CENPH: variants seen among roughly 807,000 people sequenced by gnomAD.
CENPH encodes centromere protein H, also known as CENP-H.
A neutral mutation model predicts 42.9 loss-of-function variants in CENPH; 40 were observed. The ratio of observed to expected loss-of-function variants is 0.93; its 90% CI spans 0.72 to 1.21. The LOEUF is 1.21. CENPH is among the 50% of genes most tolerant of loss of function. The probability of loss-of-function intolerance (pLI) is 0.00; values close to 1 mark genes in which losing one functional copy is unlikely to be tolerated. For synonymous variants in CENPH, 88 were observed against 96.5 expected, an observed-to-expected ratio of 0.91 and a Z score of 0.52; for missense variants, 302 against 292.9, an observed-to-expected ratio of 1.03 and a Z score of -0.23.
intron 2 of CENPH, 93 bp from the exon 3 acceptor site, chr5:69,194,554 A>G (rs1258797710): frequency 1.5e-6 from 1 of 655,728 alleles, no homozygotes; most frequent in Non-Finnish European, 2.7e-6. Flanking sequence ...GACATTTTAA[A>G]TGATGTCTTT....
At chr5:69,200,082 C>T (rs1400966367) in intron 5 of CENPH, among the ~76,000 whole-genome samples, 1 of 140,494 alleles carries the variant, frequency 7.1e-6, no homozygotes, top group Non-Finnish European at 1.5e-5. Context: ...CACTACACTC[C>T]AGCCTGGGCA....
At chr5:69,189,900 A>G in intron 1 of CENPH, 132 bp downstream of exon 1, 1 of 1,026,562 alleles carries the variant, frequency 9.7e-7, no homozygotes, top group Non-Finnish European at 1.3e-6. Flanking sequence ...TCATTCACTT[A>G]AACTGTTGAA....
intron 3 of CENPH, among the ~76,000 whole-genome samples, chr5:69,195,256 G>C (rs1044869269): frequency 6.6e-6 from 1 of 151,958 alleles, no homozygotes; most frequent in Non-Finnish European, 1.5e-5. Flanking sequence ...TGTAGAGATG[G>C]GGCCTCATTT....
At chr5:69,208,007 T>G (rs1417050975) in intron 7 of CENPH, 189 bp from the exon 8 acceptor site, 1 of 380,266 alleles carries the variant, frequency 2.6e-6, no homozygotes, top group Non-Finnish European at 4.7e-6. Context: ...AAGTACGAAA[T>G]TAAAATATTG....
chr5:69,195,854 G>C, intron 4 of CENPH, 63 bp downstream of exon 4: 2 of 780,686 alleles, frequency 2.6e-6, no homozygotes, highest in Non-Finnish European at 4.3e-6. Flanking sequence ...TGAGGGGAAA[G>C]TGGAGGGAAT....
At chr5:69,196,112 T>G (rs1747959775) in intron 4 of CENPH, among the ~76,000 whole-genome samples, 1 of 152,044 alleles carries the variant, frequency 6.6e-6, no homozygotes, top group Admixed American at 6.6e-5. Flanking sequence ...CTAATTTTTT[T>G]TATTTTTTAT....
intron 5 of CENPH, 97 bp from the exon 6 acceptor site, chr5:69,202,405 AAAGT>A: frequency 2.8e-6 from 2 of 704,594 alleles, no homozygotes; most frequent in South Asian, 3.5e-5. Context: ...GGATTTAATG[AAAGT>A]AAGTTTTCAC....
intron 6 of CENPH, 27 bp downstream of exon 6, chr5:69,202,596 G>A: frequency 1.6e-6 from 2 of 1,279,606 alleles, no homozygotes; most frequent in Non-Finnish European, 2.3e-6. Context: ...GGCTGATTAT[G>A]CATTCTCATG....
intron 2 of CENPH, among the ~76,000 whole-genome samples, 176 bp downstream of exon 2, chr5:69,192,026 C>T (rs1253174843): frequency 6.6e-6 from 1 of 152,164 alleles, no homozygotes; most frequent in African/African-American, 2.4e-5. Flanking sequence ...ACTGGGACCA[C>T]AGGCACATGC....
chr5:69,197,201 A>G (rs916928136), intron 5 of CENPH, 92 bp downstream of exon 5: 1 of 696,240 alleles, frequency 1.4e-6, no homozygotes, highest in African/African-American at 1.9e-5. Context: ...ACTGCCAACT[A>G]CCTTTGTCTG....
Position 69,189,617 on chromosome 5 carries a change from C to G in CENPH, c.-18C>G. ...GCGCGTTTGCCTGTTGAGTGGTAGC[C>G]TTTCCCCTCAACCAGCAATGGAGGA... On this transcript the variant is annotated 5_prime_UTR_variant, in exon 1 of 9. Coordinates refer to ENST00000283006, the MANE Select transcript of CENPH (RefSeq NM_022909.4). 1.3e-6 allele frequency: 2 copies of G among 1,588,630 alleles called. No individual in the cohort carries two copies. Among genetic ancestry groups the G allele is most frequent in the Non-Finnish European group, 1.7e-6 (2 of 1,171,078 alleles).
chr5:69,198,145 C>A (rs350105), intron 5 of CENPH, among the ~76,000 whole-genome samples: 66,957 of 151,138 alleles, frequency 0.44, 14,949 homozygotes, highest in South Asian at 0.55. Context: ...TGGTCTCGAT[C>A]TCCTGACCTC....
intron 4 of CENPH, 54 bp downstream of exon 4, chr5:69,195,845 GA>G: frequency 1.2e-6 from 1 of 847,206 alleles, no homozygotes. Flanking sequence ...AAATGGGTAT[GA>G]GGGGAAAGTG....
Position 69,210,017 on chromosome 5 carries a change from T to G in CENPH, c.*218T>G. On this transcript the variant is annotated 3_prime_UTR_variant, in exon 9 of 9. Coordinates refer to ENST00000283006, the MANE Select transcript of CENPH (RefSeq NM_022909.4). ...GTTTGTTTTTTTGTTGTTGTTGTTT[T>G]TTGAGATGGAGTCTCGCTTTGTTGC... 3.0e-6 allele frequency: 1 copy of G among 334,012 alleles called. No homozygotes were observed. Among genetic ancestry groups the G allele is most frequent in the South Asian group, 5.2e-5 (1 of 19,112 alleles). 20.7% of individuals were successfully genotyped at this position (334,012 alleles called of 1,614,324 possible).
chr5:69,199,926 A>G (rs1748030312), intron 5 of CENPH, among the ~76,000 whole-genome samples: 1 of 152,060 alleles, frequency 6.6e-6, no homozygotes, highest in African/African-American at 2.4e-5. Flanking sequence ...CAGCCTGGCC[A>G]ACATGGTAAA....
At chr5:69,200,130 A>C (rs1377317398) in intron 5 of CENPH, among the ~76,000 whole-genome samples, 3 of 151,902 alleles carry the variant, frequency 2.0e-5, no homozygotes, top group East Asian at 1.9e-4. Flanking sequence ...AAAAAAAAAA[A>C]AAACAGAAAG....
At chr5:69,204,695 T>TC (rs1185348131) in intron 7 of CENPH, among the ~76,000 whole-genome samples, 1 of 148,376 alleles carries the variant, frequency 6.7e-6, no homozygotes, top group Non-Finnish European at 1.5e-5. Context: ...AACTTCTGCT[T>TC]CCCGGGTTGA....
chr5:69,204,344 G>C (rs1318321529), intron 7 of CENPH, among the ~76,000 whole-genome samples: 1 of 141,174 alleles, frequency 7.1e-6, no homozygotes, highest in African/African-American at 2.6e-5. Context: ...GCAGTGGCGT[G>C]ATCATAGTTC....
intron 5 of CENPH, among the ~76,000 whole-genome samples, chr5:69,201,792 A>C (rs1434245947): frequency 1.3e-5 from 2 of 152,126 alleles, no homozygotes; most frequent in African/African-American, 2.4e-5. Flanking sequence ...CCAGGAGGTG[A>C]GGTTGCAGGA....
Sources: allele counts gnomAD v4.1 joint callset (sites outside exome capture counted in the v4.1 genomes callset), GRCh38; gene constraint gnomAD v4.1.1; transcripts MANE v1.5; gene names NCBI Gene and HGNC (gene_info 2026-07-23, HGNC 2026-07-21).